Variants in NEBL observed in about 807,000 individuals in gnomAD.
NEBL encodes the protein nebulette.
In NEBL, 122 loss-of-function variants were observed where a neutral mutation model predicts 140.2. The ratio of observed to expected loss-of-function variants is 0.87; its 90% CI spans 0.75 to 1.01. The LOEUF (loss-of-function observed/expected upper bound fraction) is 1.01. Among genes scored for constraint, NEBL ranks in the 50% least tolerant of loss-of-function variants. The probability of loss-of-function intolerance (pLI) is 0.00; values close to 1 mark genes in which losing one functional copy is unlikely to be tolerated. For synonymous variants in NEBL, 436 were observed against 398.9 expected (o/e 1.09, Z -1.11); for missense variants, 1,365 against 1,231.3 (o/e 1.11, Z -1.62).
intron 3 of NEBL, among the ~76,000 whole-genome samples, chr10:21,180,661 C>T (rs1004605204): frequency 1.8e-4 from 28 of 152,150 alleles, no homozygotes; most frequent in African/African-American, 6.5e-4. Flanking sequence ...TAAAAATCAA[C>T]AATAACTCCT....
At chr10:21,231,722 G>A (rs1053854165) in intron 3 of NEBL, among the ~76,000 whole-genome samples, 1 of 152,102 alleles carries the variant, frequency 6.6e-6, no homozygotes, top group Non-Finnish European at 1.5e-5. Context: ...AAGCCCCGAG[G>A]CAAAACGAAT....
chr10:21,272,704 G>C lies in NEBL; in HGVS notation n.182+20126C>G, dbSNP rs150008837. ...GTTGCTTTTTGCATCTGTAAATTGAGTATATTAATAGCTCTCTTGCAGCAT... is the reference window on the plus strand; with the variant it reads ...GTTGCTTTTTGCATCTGTAAATTGACTATATTAATAGCTCTCTTGCAGCAT... On this transcript the variant is annotated intron_variant and non_coding_transcript_variant, in intron 1 of 8. Coordinates refer to the NEBL transcript ENST00000675702. 2.9e-4 allele frequency among the ~76,000 whole-genome samples: 44 copies of C among 152,276 alleles called. 1 individual carries two copies. In the East Asian group the frequency reaches 6.6e-3, roughly 23 times the overall value.
intron 4 of NEBL, among the ~76,000 whole-genome samples, chr10:20,955,878 C>T (rs963260369): frequency 5.3e-5 from 8 of 150,902 alleles, no homozygotes; most frequent in African/African-American, 2.0e-4. Flanking sequence ...AGGATCTTCA[C>T]AGATTGTTCA....
At chr10:21,150,045 T>C (rs1840078633) in intron 2 of NEBL, among the ~76,000 whole-genome samples, 2 of 152,218 alleles carry the variant, frequency 1.3e-5, no homozygotes. Flanking sequence ...GTTCCTTTTT[T>C]AGCATATTAT....
At chr10:20,984,643 T>G (rs1047751557) in intron 3 of NEBL, among the ~76,000 whole-genome samples, 1 of 151,994 alleles carries the variant, frequency 6.6e-6, no homozygotes, top group African/African-American at 2.4e-5. Context: ...TCTTCCCCCA[T>G]TCATTCTCTG....
At chr10:21,264,954 T>C (rs755043979) in intron 1 of NEBL, among the ~76,000 whole-genome samples, 3 of 151,814 alleles carry the variant, frequency 2.0e-5, no homozygotes, top group Non-Finnish European at 2.9e-5. Flanking sequence ...TTTATTTTTA[T>C]TTTTGAGACA....
intron 4 of NEBL, among the ~76,000 whole-genome samples, chr10:20,953,158 A>T (rs995437479): frequency 6.6e-5 from 10 of 152,170 alleles, no homozygotes; most frequent in Non-Finnish European, 1.5e-4. Context: ...CCTAACCACC[A>T]ATGTGACTGT....
At chr10:20,948,314 A>G (rs900326018) in intron 4 of NEBL, among the ~76,000 whole-genome samples, 12 of 152,218 alleles carry the variant, frequency 7.9e-5, no homozygotes, top group Non-Finnish European at 1.6e-4. Flanking sequence ...AAAGCCTAGG[A>G]TCAGAATCCA....
chr10:20,982,133 A>T (rs1253158451), intron 3 of NEBL, among the ~76,000 whole-genome samples: 1 of 152,224 alleles, frequency 6.6e-6, no homozygotes, highest in African/African-American at 2.4e-5. Flanking sequence ...CTAACAGAAA[A>T]GTGGTTCAGA....
At position 21,189,534 on chromosome 10, in the gene NEBL, T is replaced by G. The variant is rs977845396; in HGVS notation, n.349-17057A>C. ...GGCTGGAGTGCAGGGGCACGATCTC[T>G]GCTCACTGCAAACTCTGCCTCCCGG... On this transcript the variant is annotated intron_variant and non_coding_transcript_variant, in intron 3 of 8. Transcript: ENST00000675702. 2.6e-5 allele frequency among the ~76,000 whole-genome samples: 4 copies of G among 152,160 alleles called. No individual in the cohort carries two copies. The East Asian group carries it at 5.8e-4, about 22-fold the overall frequency.
intron 1 of NEBL, among the ~76,000 whole-genome samples, chr10:21,284,210 CAAAAAAAAAAAAAA>C (rs35693200): frequency 8.1e-5 from 3 of 37,188 alleles, no homozygotes; most frequent in African/African-American, 3.4e-4. Flanking sequence ...ACTCCGTCTC[CAAAAAAAAAAAAAA>C]AAAAAAAAAC....
At chr10:21,073,617 CAAAAA>C (rs10594967) in intron 2 of NEBL, among the ~76,000 whole-genome samples, 3 of 76,394 alleles carry the variant, frequency 3.9e-5, no homozygotes, top group Non-Finnish European at 3.0e-5. Context: ...ACTCTGTCGT[CAAAAA>C]AAAAAAAAAA....
At chr10:21,211,571 T>A (rs989575398) in intron 3 of NEBL, among the ~76,000 whole-genome samples, 1 of 152,162 alleles carries the variant, frequency 6.6e-6, no homozygotes, top group Non-Finnish European at 1.5e-5. Context: ...TCCAGTTAAC[T>A]GGAGAAAAGA....
Position 21,250,324 on chromosome 10 carries a change from C to T in NEBL, n.279+1408G>A, listed in dbSNP as rs144505194. Among the ~76,000 whole-genome samples the T allele has an allele frequency of 2.6e-3, 392 of 152,246 alleles. 1 individual carries two copies. Among genetic ancestry groups the T allele is most frequent in the Non-Finnish European group, 4.8e-3 (327 of 68,010 alleles). Reference sequence around the variant, plus strand: ...AAAAAGGCTAGATTGGCCTAGCCTCCCAGCCTACATCTTTCTCCCATGCTG... The same window carrying T: ...AAAAAGGCTAGATTGGCCTAGCCTCTCAGCCTACATCTTTCTCCCATGCTG... On this transcript the variant is annotated intron_variant and non_coding_transcript_variant, in intron 2 of 8. Transcript: ENST00000675702.
At chr10:20,915,404 C>A (rs571262224) in intron 4 of NEBL, among the ~76,000 whole-genome samples, 6 of 145,642 alleles carry the variant, frequency 4.1e-5, no homozygotes, top group Admixed American at 7.0e-5. Context: ...ATCCCTCCCC[C>A]CTCCCCCTAC....
At chr10:20,817,875 G>A (rs371502656) in intron 20 of NEBL, among the ~76,000 whole-genome samples, 183 bp from the exon 21 acceptor site, 6 of 152,176 alleles carry the variant, frequency 3.9e-5, no homozygotes, top group South Asian at 4.1e-4. Context: ...AGCACAAGTT[G>A]TTGCTGGTAC....
chr10:20,905,379 C>T (rs1487355318), intron 4 of NEBL, among the ~76,000 whole-genome samples: 1 of 152,064 alleles, frequency 6.6e-6, no homozygotes, highest in African/African-American at 2.4e-5. Flanking sequence ...CTGGGGAGGC[C>T]TCAGGAAACA....
At chr10:20,923,770 C>T (rs1482623100) in intron 4 of NEBL, among the ~76,000 whole-genome samples, 1 of 149,296 alleles carries the variant, frequency 6.7e-6, no homozygotes, top group African/African-American at 2.5e-5. Flanking sequence ...GTCAAGCCTG[C>T]ACTTCATCCC....
intron 3 of NEBL, among the ~76,000 whole-genome samples, chr10:20,980,478 C>T (rs1003627018): frequency 1.3e-5 from 2 of 152,168 alleles, no homozygotes; most frequent in African/African-American, 4.8e-5. Flanking sequence ...GGCAGATGTA[C>T]AAACACCTGC....
Sources: allele counts gnomAD v4.1 joint callset (sites outside exome capture counted in the v4.1 genomes callset), GRCh38; gene constraint gnomAD v4.1.1; transcripts MANE v1.5; gene names NCBI Gene and HGNC (gene_info 2026-07-23, HGNC 2026-07-21).